The following TUSC3 variants were observed in gnomAD, a reference collection of about 807,000 sequenced individuals.
TUSC3 encodes the protein tumor suppressor candidate 3.
TUSC3 carries 45 observed loss-of-function variants against 44.8 expected under a neutral mutation model. The ratio of observed to expected loss-of-function variants is 1.00; its 90% CI spans 0.79 to 1.29. The LOEUF is 1.29. Among genes scored for constraint, TUSC3 ranks in the 50% most tolerant of loss-of-function variants. The pLI is 0.00. For missense variants in TUSC3, 519 were observed against 437.9 expected, an observed-to-expected ratio of 1.19 and a Z score of -1.65; for synonymous variants, 212 against 152.9, an observed-to-expected ratio of 1.39 and a Z score of -2.85.
chr8:15,434,118 T>G (rs1799914547), intron 1 of TUSC3, among the ~76,000 whole-genome samples: 3 of 152,182 alleles, frequency 2.0e-5, no homozygotes, highest in Admixed American at 6.5e-5. Flanking sequence ...TTGCTAATCC[T>G]TAGTATTATC....
At chr8:15,687,307 C>G (rs1350323260) in intron 6 of TUSC3, among the ~76,000 whole-genome samples, 1 of 152,094 alleles carries the variant, frequency 6.6e-6, no homozygotes, top group African/African-American at 2.4e-5. Flanking sequence ...CGGTTAGCCT[C>G]AAGTCTCAGT....
rs1373248681 is a variant in TUSC3 at position 15,738,827 on chromosome 8, C to CTTTTTTTTTTCTTTCTTTTTTTTTTTCT, written c.863-4701_863-4700insCTTTCTTTTTTTTTTTCTTTTTTTTTTT. Reference sequence around the variant, plus strand: ...ACAAAATTACTATTAATATATCTTGCTTTTTTTTTTTTTTTTTTTTTTTGA... The same window carrying CTTTTTTTTTTCTTTCTTTTTTTTTTTCT: ...ACAAAATTACTATTAATATATCTTGCTTTTTTTTTTCTTTCTTTTTTTTTTTCTTTTTTTTTTTTTTTTTTTTTTTTGA... On this transcript the variant is annotated intron_variant, in intron 7 of 10. Coordinates refer to ENST00000503731, the MANE Select transcript of TUSC3 (RefSeq NM_006765.4). 9.2e-5 allele frequency among the ~76,000 whole-genome samples: 8 copies of CTTTTTTTTTTCTTTCTTTTTTTTTTTCT among 87,202 alleles called. 2 individuals are homozygous for CTTTTTTTTTTCTTTCTTTTTTTTTTTCT. In the South Asian group the frequency reaches 1.9e-3, roughly 21 times the overall value. 57.2% of individuals were successfully genotyped at this position (87,202 alleles called of 152,430 possible). A position where few individuals can be genotyped will look rare whatever the true frequency, so the allele number is the denominator to read the frequency against.
At chr8:15,693,349 G>A (rs11785917) in intron 6 of TUSC3, among the ~76,000 whole-genome samples, 32,308 of 151,312 alleles carry the variant, frequency 0.21, 4,314 homozygotes, top group Non-Finnish European at 0.3. Flanking sequence ...AGGTGGTTCT[G>A]GTGGTCATGA....
At chr8:15,598,598 T>A (rs1167701310) in intron 1 of TUSC3, among the ~76,000 whole-genome samples, 1 of 42,850 alleles carries the variant, frequency 2.3e-5, no homozygotes, top group Non-Finnish European at 5.5e-5. Context: ...TCATACTTCC[T>A]CCTTCTCCAG....
chr8:15,666,347 C>T (rs1232569565), intron 5 of TUSC3, among the ~76,000 whole-genome samples: 3 of 151,460 alleles, frequency 2.0e-5, no homozygotes, highest in Non-Finnish European at 3.0e-5. Context: ...CAGTAAATCA[C>T]CGTAGGATAG....
intron 1 of TUSC3, among the ~76,000 whole-genome samples, chr8:15,567,947 C>G (rs964288372): frequency 6.6e-6 from 1 of 152,134 alleles, no homozygotes; most frequent in East Asian, 1.9e-4. Flanking sequence ...TTTTTGTCCT[C>G]TGTAGGCCTC....
intron 3 of TUSC3, among the ~76,000 whole-genome samples, chr8:15,652,037 G>C (rs1806934705): frequency 6.6e-6 from 1 of 152,306 alleles, no homozygotes; most frequent in Admixed American, 6.5e-5. Flanking sequence ...TGTGTAACTA[G>C]AATTTGAACT....
the TUSC3 span, among the ~76,000 whole-genome samples, chr8:15,782,309 C>CA: frequency 5.3e-5 from 8 of 151,500 alleles, no homozygotes; most frequent in Non-Finnish European, 7.4e-5. Context: ...TCCATCTGTA[C>CA]AAAAAAAAAT....
intron 6 of TUSC3, among the ~76,000 whole-genome samples, chr8:15,701,137 T>G (rs757357441): frequency 7.9e-5 from 12 of 152,120 alleles, no homozygotes; most frequent in Admixed American, 2.0e-4. Flanking sequence ...AAGTAAAATG[T>G]ACAAATAGCG....
chr8:15,541,720 A>T (rs1039404423), intron 1 of TUSC3, among the ~76,000 whole-genome samples: 1 of 152,122 alleles, frequency 6.6e-6, no homozygotes, highest in Non-Finnish European at 1.5e-5. Context: ...TGTTAAACTG[A>T]AATTGTATTT....
At chr8:15,767,953 A>C (rs951912566), downstream of TUSC3, among the ~76,000 whole-genome samples, 21 of 152,282 alleles carry the variant, frequency 1.4e-4, no homozygotes, top group Middle Eastern at 3.4e-3. Context: ...CTCTAGAAGG[A>C]CATACACATA....
intron 1 of TUSC3, among the ~76,000 whole-genome samples, chr8:15,479,464 G>C (rs12680050): frequency 0.13 from 19,494 of 152,218 alleles, 1,701 homozygotes; most frequent in East Asian, 0.34. Context: ...TTTTGTGTAA[G>C]ATGAAAGGAA....
chr8:15,533,211 A>G (rs1228053509), intron 2 of TUSC3, among the ~76,000 whole-genome samples: 2 of 152,230 alleles, frequency 1.3e-5, no homozygotes. Flanking sequence ...CTCCGCAGCC[A>G]CATGGAACTG....
intron 6 of TUSC3, among the ~76,000 whole-genome samples, chr8:15,708,816 A>T (rs1269129622): frequency 6.6e-6 from 1 of 151,934 alleles, no homozygotes; most frequent in East Asian, 1.9e-4. Flanking sequence ...GTGAAACAGA[A>T]AACAGTCCAA....
At chr8:15,471,809 G>A (rs1291225872) in intron 1 of TUSC3, among the ~76,000 whole-genome samples, 1 of 151,948 alleles carries the variant, frequency 6.6e-6, no homozygotes, top group African/African-American at 2.4e-5. Context: ...GTAGAGACAG[G>A]GTTTTGCCAC....
chr8:15,648,122 C>G (rs950207804), intron 2 of TUSC3, among the ~76,000 whole-genome samples: 3 of 152,108 alleles, frequency 2.0e-5, no homozygotes, highest in Non-Finnish European at 2.9e-5. Flanking sequence ...TGAAAAAGGA[C>G]TTACTGGACT....
intron 1 of TUSC3, among the ~76,000 whole-genome samples, chr8:15,572,921 A>G (rs1266590695): frequency 6.6e-6 from 1 of 152,022 alleles, no homozygotes; most frequent in African/African-American, 2.4e-5. Context: ...ATCACTGGTC[A>G]CAGATTTCCA....
chr8:15,528,102 C>T lies in TUSC3; in HGVS notation n.189+44619C>T, dbSNP rs114193307. 9.1e-3 allele frequency among the ~76,000 whole-genome samples: 1,388 copies of T among 152,132 alleles called. 23 individuals are homozygous for T. Among genetic ancestry groups the T allele is most frequent in the African/African-American group, 0.032 (1,331 of 41,512 alleles). On this transcript the variant is annotated intron_variant and non_coding_transcript_variant, in intron 2 of 5. Coordinates refer to the TUSC3 transcript ENST00000503191. ...GGAAACCAGCTGGATTTGTTGTAAT[C>T]CTTTACCAATAAAACATAATGATTA...
chr8:15,790,179 CTTTTTTTTTTTTTTTT>C, the TUSC3 span, among the ~76,000 whole-genome samples: 1 of 72,232 alleles, frequency 1.4e-5, no homozygotes, highest in African/African-American at 6.1e-5. Context: ...TTGTTAAGGC[CTTTTTTTTTTTTTTTT>C]TTTTTTTTTG....
Sources: gnomAD v4.1 joint callset for allele counts (sites outside exome capture counted in the v4.1 genomes callset) on GRCh38, gnomAD v4.1.1 for gene constraint, MANE v1.5 for transcripts, NCBI Gene and HGNC (gene_info 2026-07-23, HGNC 2026-07-21) for gene names.